The following SLCO3A1 variants were observed in gnomAD, a reference collection of about 807,000 sequenced individuals.
SLCO3A1 encodes solute carrier organic anion transporter family member 3A1.
A neutral mutation model predicts 63.1 loss-of-function variants in SLCO3A1; 27 were observed. That is an observed-to-expected ratio of 0.43 (90% CI 0.32 to 0.59). The LOEUF (loss-of-function observed/expected upper bound fraction) is 0.59. Among genes scored for constraint, SLCO3A1 ranks in the 20% least tolerant of loss-of-function variants. The pLI, the probability that SLCO3A1 is intolerant of heterozygous loss-of-function variation, is 0.09. For synonymous variants in SLCO3A1, 473 were observed against 409.9 expected, an observed-to-expected ratio of 1.15 and a Z score of -1.86; for missense variants, 773 against 945.8, an observed-to-expected ratio of 0.82 and a Z score of 2.40.
intron 2 of SLCO3A1, among the ~76,000 whole-genome samples, chr15:92,014,856 G>A (rs1284976623): frequency 2.0e-5 from 3 of 152,108 alleles, no homozygotes; most frequent in Non-Finnish European, 4.4e-5. Context: ...TAGGCATTGA[G>A]GGAGGTGGAG....
rs1255689700 is a variant in SLCO3A1 at position 91,853,979 on chromosome 15, A to T, written c.71A>T (p.Gln24Leu). ...GGCGAGCTGCAGGGGGACGAGGCGCAGAGGAACAAGAAAAAGAAAAAGAAG... is the reference window on the plus strand; with the variant it reads ...GGCGAGCTGCAGGGGGACGAGGCGCTGAGGAACAAGAAAAAGAAAAAGAAG... ...RSGELQGDEA[Q>L]RNKKKKKKVS... Residue 24 changes from glutamine to leucine, a missense_variant, in exon 1 of 10, where the codon CAG becomes CTG. Around this residue, in one of 3 missense-constraint regions of SLCO3A1, gnomAD observed 69 missense variants for 64.6 expected, o/e 1.07. Transcript: ENST00000318445. 6.6e-7 allele frequency: 1 copy of T among 1,516,518 alleles called. No homozygotes were observed. The highest frequency in any genetic ancestry group is 2.0e-5 in the Admixed American group (1 of 48,956). The allele number at this position is 1,516,518 out of a possible 1,614,324, so 93.9% of individuals were successfully genotyped here.
intron 2 of SLCO3A1, among the ~76,000 whole-genome samples, chr15:92,029,189 G>T (rs369700941): frequency 1.3e-5 from 2 of 152,118 alleles, no homozygotes; most frequent in Admixed American, 6.5e-5. Context: ...TAAAAACTCC[G>T]CAGCCTCTTA....
intron 2 of SLCO3A1, among the ~76,000 whole-genome samples, chr15:91,949,664 C>A (rs543311649): frequency 6.6e-6 from 1 of 151,958 alleles, no homozygotes; most frequent in South Asian, 2.1e-4. Context: ...GAATTGCCAG[C>A]GTGGTTCTGG....
At chr15:92,103,240 C>T (rs924822471) in intron 3 of SLCO3A1, among the ~76,000 whole-genome samples, 2 of 152,154 alleles carry the variant, frequency 1.3e-5, no homozygotes, top group Admixed American at 1.3e-4. Flanking sequence ...CTCCCCAGTT[C>T]TCCTTCCATG....
Position 91,885,593 on chromosome 15 carries a change from A to G in SLCO3A1, c.181-30400A>G, listed in dbSNP as rs1256081914. ...TAGAATTGGCCCTTGGTTGGTTTGT[A>G]GCATTTATACAATATCAACCCTTAA... On this transcript the variant is annotated intron_variant, in intron 1 of 9. Transcript: ENST00000318445. The surrounding 1 kb of genome is among the most constrained non-coding windows in gnomAD (Gnocchi z 4.7). Among the ~76,000 whole-genome samples, 1 of 152,198 alleles carries G rather than the reference A, an allele frequency of 6.6e-6. No homozygotes were observed. Among genetic ancestry groups the G allele is most frequent in the Middle Eastern group, 3.2e-3 (1 of 316 alleles).
intron 2 of SLCO3A1, among the ~76,000 whole-genome samples, chr15:91,953,639 C>T (rs1264359269): frequency 6.6e-6 from 1 of 152,116 alleles, no homozygotes; most frequent in Non-Finnish European, 1.5e-5. Context: ...TGGCTGCCAC[C>T]CAGGAGTGGG....
chr15:92,079,279 C>A (rs1190574695), intron 2 of SLCO3A1, among the ~76,000 whole-genome samples: 1 of 152,216 alleles, frequency 6.6e-6, no homozygotes, highest in African/African-American at 2.4e-5. Flanking sequence ...TGTTGGCCCA[C>A]ATGATCCCCA....
chr15:92,058,635 A>G (rs1174813952), intron 2 of SLCO3A1, among the ~76,000 whole-genome samples: 1 of 152,178 alleles, frequency 6.6e-6, no homozygotes, highest in Non-Finnish European at 1.5e-5. Flanking sequence ...ACATCACCAT[A>G]GTCCCCATCA....
chr15:92,140,477 G>T (rs1369092979), intron 7 of SLCO3A1, among the ~76,000 whole-genome samples: 1 of 151,822 alleles, frequency 6.6e-6, no homozygotes, highest in Admixed American at 6.6e-5. Context: ...GGAGAGTTCT[G>T]TAGATGTCTA....
rs142012415 is a variant in SLCO3A1, at chr15:92,021,098, A to G, written c.647-73783A>G. On this transcript the variant is annotated intron_variant, in intron 2 of 9. Coordinates refer to ENST00000318445, the MANE Select transcript of SLCO3A1 (RefSeq NM_013272.4). ...TTTCCCAGACATGTCTAAGTACTCA[A>G]CAAATGGCAGCCACTATCCCTATCA... Among the ~76,000 whole-genome samples the G allele has an allele frequency of 3.3e-5, 5 of 152,348 alleles. No homozygotes were observed. The East Asian group carries it at 9.7e-4, about 29-fold the overall frequency.
intron 1 of SLCO3A1, among the ~76,000 whole-genome samples, chr15:91,914,544 C>T (rs963147047): frequency 6.6e-6 from 1 of 151,668 alleles, no homozygotes. Context: ...TGTCCTCACC[C>T]CACCTTTCCA....
Position 92,033,292 on chromosome 15 carries a change from G to T in SLCO3A1, c.647-61589G>T, listed in dbSNP as rs1597241818. ...TCCAGCACCTGCAAGTGTGGAAATG[G>T]ACACGGATGTCCTCTTAGTATTTCT... On this transcript the variant is annotated intron_variant, in intron 2 of 9. Coordinates refer to ENST00000318445, the MANE Select transcript of SLCO3A1 (RefSeq NM_013272.4). This position sits in a 1 kb window ranked among gnomAD's most constrained non-coding sequence, Gnocchi z 4.5. 6.6e-6 allele frequency among the ~76,000 whole-genome samples: 1 copy of T among 152,190 alleles called. No individual in the cohort carries two copies. Among genetic ancestry groups the T allele is most frequent in the Non-Finnish European group, 1.5e-5 (1 of 68,028 alleles).
chr15:91,855,916 G>A (rs1234545644), intron 1 of SLCO3A1, among the ~76,000 whole-genome samples: 2 of 151,992 alleles, frequency 1.3e-5, no homozygotes, highest in African/African-American at 2.4e-5. Flanking sequence ...GCAAACACCC[G>A]CAGAACTTTT....
At chr15:91,965,934 T>C (rs1437932361) in intron 2 of SLCO3A1, among the ~76,000 whole-genome samples, 1 of 152,134 alleles carries the variant, frequency 6.6e-6, no homozygotes, top group African/African-American at 2.4e-5. Context: ...GAAACTCAAA[T>C]AGGAGCCCTC....
intron 2 of SLCO3A1, among the ~76,000 whole-genome samples, chr15:92,012,990 C>A (rs990200079): frequency 6.6e-6 from 1 of 152,118 alleles, no homozygotes; most frequent in Non-Finnish European, 1.5e-5. Flanking sequence ...ATTAAAAGAC[C>A]CTGCGTCACA....
chr15:92,144,230 G>A (rs1025405096), intron 7 of SLCO3A1, among the ~76,000 whole-genome samples: 3 of 152,182 alleles, frequency 2.0e-5, no homozygotes, highest in Non-Finnish European at 2.9e-5. Context: ...GGAAAACAAA[G>A]GTTTAGAAAC....
At chr15:91,960,205 G>A (rs1367778848) in intron 2 of SLCO3A1, among the ~76,000 whole-genome samples, 1 of 152,082 alleles carries the variant, frequency 6.6e-6, no homozygotes. Context: ...GGATGCTCTC[G>A]ATCTCCTGAC....
At chr15:91,998,251 C>T (rs943705062) in intron 2 of SLCO3A1, among the ~76,000 whole-genome samples, 6 of 152,054 alleles carry the variant, frequency 3.9e-5, no homozygotes, top group Non-Finnish European at 7.4e-5. Flanking sequence ...GTCAGGGGTT[C>T]GAGACCAACG....
intron 9 of SLCO3A1, 98 bp from the exon 10 acceptor site, chr15:92,162,658 T>A: frequency 6.6e-7 from 1 of 1,506,354 alleles, no homozygotes; most frequent in Non-Finnish European, 8.9e-7. Flanking sequence ...GTCAGACATA[T>A]TTGCCTAGCA....
Sources: gnomAD v4.1 joint callset for allele counts (sites outside exome capture counted in the v4.1 genomes callset) on GRCh38, gnomAD v4.1.1 for gene constraint, gnomAD v4.1.1 regional missense constraint, Gnocchi (gnomAD v3.1) non-coding constraint, MANE v1.5 for transcripts, NCBI Gene and HGNC (gene_info 2026-07-23, HGNC 2026-07-21) for gene names.